The following FHIT variants were observed in gnomAD, a reference collection of about 807,000 sequenced individuals.
The protein encoded by FHIT is fragile histidine triad diadenosine triphosphatase.
In FHIT, 19 loss-of-function variants were observed where a neutral mutation model predicts 17.9. The observed-to-expected ratio is 1.06, with a 90% CI of 0.74 to 1.56. The LOEUF (loss-of-function observed/expected upper bound fraction) is 1.56. Ranked by LOEUF, FHIT falls within the 40% of genes most tolerant of loss-of-function variation. The pLI is 0.00. For missense variants in FHIT, 248 were observed against 189.2 expected (o/e 1.31, Z -1.82); for synonymous variants, 81 against 69.7 (o/e 1.16, Z -0.81).
At position 59,922,828 on chromosome 3, in the gene FHIT, T is replaced by TA. The variant is rs1464651626; in HGVS notation, c.280-415dup. Reference sequence around the variant, plus strand: ...AGCGAGTGAATGAGGTAGCAAGTAGTATGGGCAGAATTACAGACTTGGGGC... The same window carrying TA: ...AGCGAGTGAATGAGGTAGCAAGTAGTAATGGGCAGAATTACAGACTTGGGGC... On this transcript the variant is annotated intron_variant, in intron 7 of 9. Coordinates refer to ENST00000492590, the MANE Select transcript of FHIT (RefSeq NM_002012.4). 3.3e-5 allele frequency among the ~76,000 whole-genome samples: 5 copies of TA among 152,258 alleles called. No homozygotes were observed. The East Asian group carries it at 9.7e-4, about 29-fold the overall frequency.
chr3:60,345,550 G>T (rs1056917668), intron 5 of FHIT, among the ~76,000 whole-genome samples: 7 of 152,264 alleles, frequency 4.6e-5, no homozygotes, highest in Middle Eastern at 3.4e-3. Context: ...ACCAATTGTA[G>T]ACTAGAACGA....
intron 2 of FHIT, among the ~76,000 whole-genome samples, chr3:61,153,632 T>C (rs2037457420): frequency 6.6e-6 from 1 of 152,158 alleles, no homozygotes. Flanking sequence ...AAATCCTTTC[T>C]CAGGTAAAGA....
intron 1 of FHIT, among the ~76,000 whole-genome samples, chr3:61,228,992 C>T (rs1457397316): frequency 1.3e-5 from 2 of 152,154 alleles, no homozygotes; most frequent in East Asian, 1.9e-4. Flanking sequence ...CTCCATGTCA[C>T]TTCACAAGAT....
At chr3:61,241,527 G>A (rs1006038262) in intron 1 of FHIT, among the ~76,000 whole-genome samples, 37 of 152,190 alleles carry the variant, frequency 2.4e-4, no homozygotes, top group Admixed American at 1.6e-3. Flanking sequence ...AATGACTGTA[G>A]ATTGTATGCT....
intron 5 of FHIT, among the ~76,000 whole-genome samples, chr3:60,411,982 A>G (rs925029889): frequency 6.6e-6 from 1 of 151,744 alleles, no homozygotes; most frequent in Non-Finnish European, 1.5e-5. Flanking sequence ...TTTATTGTCT[A>G]CTCTAGTATT....
chr3:59,802,974 T>C (rs1185415468), intron 8 of FHIT, among the ~76,000 whole-genome samples: 1 of 152,168 alleles, frequency 6.6e-6, no homozygotes, highest in Non-Finnish European at 1.5e-5. Flanking sequence ...CCTATTCTAC[T>C]TGACTGACTG....
intron 1 of FHIT, among the ~76,000 whole-genome samples, chr3:61,240,884 T>G (rs2106919580): frequency 6.6e-6 from 1 of 151,962 alleles, no homozygotes; most frequent in South Asian, 2.1e-4. Flanking sequence ...CCTTGGTACC[T>G]CAATTTCAGC....
chr3:60,765,066 A>C (rs1215295981), intron 4 of FHIT, among the ~76,000 whole-genome samples: 1 of 152,192 alleles, frequency 6.6e-6, no homozygotes, highest in Non-Finnish European at 1.5e-5. Context: ...AAAAAGAGGA[A>C]CTGCAAGATT....
chr3:61,188,091 C>A (rs927278374), intron 2 of FHIT, among the ~76,000 whole-genome samples: 2 of 152,090 alleles, frequency 1.3e-5, no homozygotes, highest in East Asian at 3.9e-4. Flanking sequence ...CAGAGCAGAA[C>A]TGAAGGAAAT....
chr3:60,784,165 C>T (rs556789623), intron 4 of FHIT, among the ~76,000 whole-genome samples: 1 of 152,210 alleles, frequency 6.6e-6, no homozygotes, highest in Non-Finnish European at 1.5e-5. Context: ...CCAATAGGCT[C>T]CTGCACCCTC....
At chr3:60,526,825 G>C (rs777546479) in intron 5 of FHIT, among the ~76,000 whole-genome samples, 1 of 152,150 alleles carries the variant, frequency 6.6e-6, no homozygotes, top group African/African-American at 2.4e-5. Flanking sequence ...CAAAGAACAA[G>C]ATGCCAGTGT....
intron 5 of FHIT, among the ~76,000 whole-genome samples, chr3:60,058,214 G>A (rs1364112312): frequency 3.7e-5 from 5 of 136,620 alleles, no homozygotes; most frequent in Non-Finnish European, 4.6e-5. Context: ...ACTCGATCTC[G>A]GCTCACTGCA....
At chr3:60,287,872 G>C (rs992772590) in intron 5 of FHIT, among the ~76,000 whole-genome samples, 5 of 152,258 alleles carry the variant, frequency 3.3e-5, no homozygotes, top group South Asian at 2.1e-4. Flanking sequence ...CCTTGGGAAA[G>C]ATACATAACC....
At chr3:60,738,977 G>C (rs2042189400) in intron 4 of FHIT, among the ~76,000 whole-genome samples, 1 of 152,208 alleles carries the variant, frequency 6.6e-6, no homozygotes, top group Non-Finnish European at 1.5e-5. Context: ...GAGGAGAAAA[G>C]CAGACAAATG....
intron 4 of FHIT, among the ~76,000 whole-genome samples, chr3:60,816,892 T>G (rs6782111): frequency 0.33 from 50,823 of 151,878 alleles, 9,148 homozygotes; most frequent in Middle Eastern, 0.4. Context: ...TTAGTCTGAT[T>G]ACTGATATGG....
chr3:60,310,744 T>G (rs1202460267), intron 5 of FHIT, among the ~76,000 whole-genome samples: 5 of 152,168 alleles, frequency 3.3e-5, no homozygotes, highest in Non-Finnish European at 7.3e-5. Flanking sequence ...AAATGAAATT[T>G]GTAATTGAAA....
At chr3:60,193,080 G>C (rs901286239) in intron 5 of FHIT, among the ~76,000 whole-genome samples, 1 of 152,152 alleles carries the variant, frequency 6.6e-6, no homozygotes, top group African/African-American at 2.4e-5. Context: ...CAGAAAAATG[G>C]AGATTTCTCA....
chr3:60,747,851 T>TTGAATGA (rs1418339334), intron 4 of FHIT, among the ~76,000 whole-genome samples: 7 of 152,154 alleles, frequency 4.6e-5, no homozygotes, highest in African/African-American at 1.7e-4. Flanking sequence ...ATGCCAGGAT[T>TTGAATGA]TGAATGATGA....
At chr3:60,625,816 C>A (rs779817702) in intron 4 of FHIT, among the ~76,000 whole-genome samples, 1 of 152,106 alleles carries the variant, frequency 6.6e-6, no homozygotes, top group Non-Finnish European at 1.5e-5. Context: ...AAATATTTTG[C>A]CTAATCCAAG....
Sources: gnomAD v4.1 joint callset for allele counts (sites outside exome capture counted in the v4.1 genomes callset) on GRCh38, gnomAD v4.1.1 for gene constraint, MANE v1.5 for transcripts, NCBI Gene and HGNC (gene_info 2026-07-23, HGNC 2026-07-21) for gene names.